The following HDX variants were observed in gnomAD, a reference collection of about 807,000 sequenced individuals.
HDX encodes the protein highly divergent homeobox.
In HDX, 19 loss-of-function variants were observed where a neutral mutation model predicts 45.2. That is an observed-to-expected ratio of 0.42 (90% CI 0.29 to 0.62). The LOEUF (loss-of-function observed/expected upper bound fraction) is 0.62. Ranked by LOEUF, HDX falls within the 20% of genes least tolerant of loss-of-function variation. HDX has a pLI of 0.20. For missense variants in HDX, 532 were observed against 493.9 expected (o/e 1.08, Z -0.73); for synonymous variants, 188 against 172.8 (o/e 1.09, Z -0.69).
chrX:84,502,165 G>A lies in HDX; in HGVS notation c.-110+177C>T, dbSNP rs191225054. On this transcript the variant is annotated intron_variant, in intron 1 of 10. Coordinates refer to ENST00000373177, the MANE Select transcript of HDX (RefSeq NM_001177479.2). ...CTCACTCAGCCGCCAGCCTTCGCTAGGAGGATAGAGGCACTTGGCTCCCTA... is the reference window on the plus strand; with the variant it reads ...CTCACTCAGCCGCCAGCCTTCGCTAAGAGGATAGAGGCACTTGGCTCCCTA... 2.7e-5 allele frequency among the ~76,000 whole-genome samples: 3 copies of A among 111,084 alleles called. No homozygotes were observed. The East Asian group carries it at 8.6e-4, about 32-fold the overall frequency.
At chrX:84,336,078 C>A (rs1164040301) in intron 8 of HDX, among the ~76,000 whole-genome samples, 2 of 110,136 alleles carry the variant, frequency 1.8e-5, no homozygotes, top group Admixed American at 2.0e-4. Flanking sequence ...AAAGCAAAAA[C>A]AAAAGGACAA....
chrX:84,434,291 C>T (rs1183267055), intron 5 of HDX, among the ~76,000 whole-genome samples: 1 of 110,342 alleles, frequency 9.1e-6, no homozygotes, highest in Non-Finnish European at 1.9e-5. Flanking sequence ...CACCCTTTTT[C>T]CATTCAGTAT....
intron 5 of HDX, among the ~76,000 whole-genome samples, chrX:84,389,217 G>A (rs2038386581): frequency 9.0e-6 from 1 of 111,664 alleles, no homozygotes; most frequent in Non-Finnish European, 1.9e-5. Flanking sequence ...GTGGAGAGAC[G>A]GCACCCTCAC....
chrX:84,464,476 A>G (rs1460798494), intron 4 of HDX, among the ~76,000 whole-genome samples: 1 of 111,561 alleles, frequency 9.0e-6, no homozygotes, highest in Non-Finnish European at 1.9e-5. Context: ...ACCAAAACAG[A>G]TATATAGACT....
chrX:84,377,903 GT>G (rs1267640821), intron 5 of HDX, among the ~76,000 whole-genome samples: 7 of 110,808 alleles, frequency 6.3e-5, no homozygotes, highest in Non-Finnish European at 1.3e-4. Context: ...AGTACAAAAG[GT>G]TTATAAATCA....
At position 84,321,761 on chromosome X, in the gene HDX, A is replaced by G. The variant is rs1480929296; in HGVS notation, c.*128T>C. ...CCATTATATCTTGTACATTCTTCAC[A>G]GAATACGTCCGTTTCAACAATGTGT... On this transcript the variant is annotated 3_prime_UTR_variant, in exon 11 of 11. Coordinates refer to ENST00000373177, the MANE Select transcript of HDX (RefSeq NM_001177479.2). 1.7e-5 allele frequency: 8 copies of G among 459,663 alleles called. 1 individual carries two copies. In the East Asian group the frequency reaches 3.3e-4, roughly 19 times the overall value. 37.9% of individuals were successfully genotyped at this position (459,663 alleles called of 1,213,427 possible). A position where few individuals can be genotyped will look rare whatever the true frequency, so the allele number is the denominator to read the frequency against.
chrX:84,382,456 A>G (rs2038211039), intron 5 of HDX, among the ~76,000 whole-genome samples: 1 of 112,115 alleles, frequency 8.9e-6, no homozygotes, highest in Admixed American at 9.5e-5. Context: ...GTGTCCATCA[A>G]CAGATGAATG....
chrX:84,498,747 G>T (rs922642713), intron 1 of HDX, among the ~76,000 whole-genome samples: 1 of 109,304 alleles, frequency 9.1e-6, no homozygotes, highest in African/African-American at 3.3e-5. Flanking sequence ...ACAAATGTAG[G>T]TATACACCAT....
intron 5 of HDX, among the ~76,000 whole-genome samples, chrX:84,425,759 A>T (rs1392338913): frequency 2.7e-5 from 3 of 110,742 alleles, no homozygotes; most frequent in Non-Finnish European, 5.7e-5. Context: ...AATCAAAACA[A>T]TTTAATGCAT....
At chrX:84,493,212 G>C (rs954996333) in intron 1 of HDX, among the ~76,000 whole-genome samples, 1 of 112,072 alleles carries the variant, frequency 8.9e-6, no homozygotes, top group Non-Finnish European at 1.9e-5. Flanking sequence ...ACAGACATCT[G>C]TTTATTCTAA....
intron 1 of HDX, among the ~76,000 whole-genome samples, chrX:84,498,228 C>G (rs1433725535): frequency 8.9e-6 from 1 of 111,833 alleles, no homozygotes; most frequent in Non-Finnish European, 1.9e-5. Context: ...AGTATAATTT[C>G]ATGTATCCAG....
intron 5 of HDX, among the ~76,000 whole-genome samples, chrX:84,417,248 GAA>G (rs1342756907): frequency 9.0e-6 from 1 of 111,091 alleles, no homozygotes; most frequent in Non-Finnish European, 1.9e-5. Flanking sequence ...AAGAAAGAAA[GAA>G]AGAGAAAGTC....
intron 6 of HDX, among the ~76,000 whole-genome samples, chrX:84,346,491 C>G (rs1479870330): frequency 9.0e-6 from 1 of 111,400 alleles, no homozygotes; most frequent in Admixed American, 9.6e-5. Flanking sequence ...TTTTTATATA[C>G]TTACTGTAAT....
intron 1 of HDX, among the ~76,000 whole-genome samples, chrX:84,501,179 TAGAC>T (rs1354829784): frequency 8.9e-6 from 1 of 111,921 alleles, no homozygotes; most frequent in Non-Finnish European, 1.9e-5. Flanking sequence ...TCATCAATAA[TAGAC>T]AGGCAGGTTG....
chrX:84,467,032 G>A (rs12387190), intron 4 of HDX, among the ~76,000 whole-genome samples: 3,894 of 111,042 alleles, frequency 0.035, 128 homozygotes, highest in African/African-American at 0.11. Flanking sequence ...GAATGAAGGA[G>A]GGGTGTGTAG....
chrX:84,407,615 AGTTCTTTGAGAAATCATCTAATT>A (rs2147974669), intron 5 of HDX, among the ~76,000 whole-genome samples: 1 of 111,448 alleles, frequency 9.0e-6, no homozygotes, highest in Admixed American at 9.6e-5. Flanking sequence ...TTCTCTTTTA[AGTTCTTTGAGAAATCATCTAATT>A]GCTTTCCACA....
At chrX:84,447,899 G>A (rs776299076) in intron 4 of HDX, among the ~76,000 whole-genome samples, 7 of 111,294 alleles carry the variant, frequency 6.3e-5, no homozygotes, top group Non-Finnish European at 1.3e-4. Context: ...CCAGCCACCT[G>A]TTCAGGATGC....
In HDX at chrX:84,322,028, A is replaced by G. The variant is rs1569271810; in HGVS notation, c.1948-14T>C. 8.9e-7 allele frequency: 1 copy of G among 1,118,596 alleles called. No homozygotes were observed. The highest frequency in any genetic ancestry group is 1.2e-6 in the Non-Finnish European group (1 of 833,406). The allele number at this position is 1,118,596 out of a possible 1,213,427, so 92.2% of individuals were successfully genotyped here. A position where few individuals can be genotyped will look rare whatever the true frequency, so the allele number is the denominator to read the frequency against. On this transcript the variant is annotated splice_polypyrimidine_tract_variant and intron_variant, in intron 10 of 10. Coordinates refer to ENST00000373177, the MANE Select transcript of HDX (RefSeq NM_001177479.2). The stretch of plus-strand genomic sequence containing the variant: ...TGACAGCAGTGCCTGAATAAAAAAA[A>G]TAATATTTTTGGATTAGTATGTGGA...
At chrX:84,406,090 A>G (rs894812681) in intron 5 of HDX, among the ~76,000 whole-genome samples, 1 of 110,761 alleles carries the variant, frequency 9.0e-6, no homozygotes, top group African/African-American at 3.3e-5. Flanking sequence ...AGACCCTTTT[A>G]AACGTACTGT....
Sources: gnomAD v4.1 joint callset for allele counts (sites outside exome capture counted in the v4.1 genomes callset) on GRCh38, gnomAD v4.1.1 for gene constraint, MANE v1.5 for transcripts, NCBI Gene and HGNC (gene_info 2026-07-23, HGNC 2026-07-21) for gene names.